The following AGAP1 variants were observed in gnomAD, a reference collection of about 807,000 sequenced individuals.
AGAP1 encodes arf-GAP with GTPase, ANK repeat and PH domain-containing protein 1.
AGAP1 carries 29 observed loss-of-function variants against 105.3 expected under a neutral mutation model. The ratio of observed to expected loss-of-function variants is 0.28; its 90% CI spans 0.21 to 0.38. AGAP1 has a LOEUF of 0.38. Among genes scored for constraint, AGAP1 ranks in the 10% least tolerant of loss-of-function variants. The probability of loss-of-function intolerance (pLI) is 1.00; values close to 1 mark genes in which losing one functional copy is unlikely to be tolerated. For missense variants in AGAP1, 998 were observed against 1,165.1 expected (o/e 0.86, Z 2.09); for synonymous variants, 509 against 485.9 (o/e 1.05, Z -0.63).
chr2:235,929,784 T>C (rs557713236), intron 11 of AGAP1, among the ~76,000 whole-genome samples: 79 of 152,328 alleles, frequency 5.2e-4, no homozygotes, highest in African/African-American at 1.9e-3. Context: ...AAGCCACTAG[T>C]TCTAAAAAGC....
intron 8 of AGAP1, among the ~76,000 whole-genome samples, chr2:235,803,025 A>ATGATTG (rs1957631399): frequency 2.8e-5 from 1 of 36,252 alleles, no homozygotes. Context: ...GATGGTGGTG[A>ATGATTG]TGGTTGTGAT....
Position 235,893,583 on chromosome 2 carries a change from G to A in AGAP1, c.1155+10134G>A, listed in dbSNP as rs1025148146. Among the ~76,000 whole-genome samples, 4 of 152,186 alleles carry A rather than the reference G, an allele frequency of 2.6e-5. No individual in the cohort carries two copies. The highest frequency in any genetic ancestry group is 2.1e-4 in the South Asian group (1 of 4,832). ...TCCATCATGAGGGTGCGCCGTGTCC[G>A]TCATGCAGATGTGCCTTCATGGCCC... On this transcript the variant is annotated intron_variant, in intron 10 of 17. Transcript: ENST00000304032. This position sits in a 1 kb window ranked among gnomAD's most constrained non-coding sequence, Gnocchi z 4.7.
At chr2:235,498,374 T>C (rs1250988613) in intron 1 of AGAP1, among the ~76,000 whole-genome samples, 1 of 152,014 alleles carries the variant, frequency 6.6e-6, no homozygotes, top group Non-Finnish European at 1.5e-5. Flanking sequence ...ATTTATCTGA[T>C]CAGGTTTCTG....
At chr2:235,968,719 A>G (rs544095901) in intron 13 of AGAP1, 96 bp downstream of exon 13, 24 of 1,193,180 alleles carry the variant, frequency 2.0e-5, no homozygotes, top group Admixed American at 5.3e-5. Context: ...TAGCACAACA[A>G]ATGCACAGTA....
At chr2:235,592,981 G>T (rs200103187) in intron 1 of AGAP1, among the ~76,000 whole-genome samples, 2 of 152,268 alleles carry the variant, frequency 1.3e-5, no homozygotes, top group East Asian at 3.9e-4. Context: ...CTGGGACGGT[G>T]GCCGGGAGGG....
rs370139529 is a variant in AGAP1, at chr2:235,602,480, C to A, written c.164-106699C>A. 2.8e-4 allele frequency among the ~76,000 whole-genome samples: 42 copies of A among 152,316 alleles called. No individual in the cohort carries two copies. In the South Asian group the frequency reaches 7.9e-3, roughly 29 times the overall value. On this transcript the variant is annotated intron_variant, in intron 1 of 17. Coordinates refer to ENST00000304032, the MANE Select transcript of AGAP1 (RefSeq NM_001037131.3). The stretch of plus-strand genomic sequence containing the variant: ...TCACCCTCACTCCCTCCGCTCCAGC[C>A]ACACTCAGTCCCTGCTGTTCCTCTA...
Position 235,905,729 on chromosome 2 carries a change from C to T in AGAP1, c.1156-3009C>T, listed in dbSNP as rs2051272668. On this transcript the variant is annotated intron_variant, in intron 10 of 17. Coordinates refer to ENST00000304032, the MANE Select transcript of AGAP1 (RefSeq NM_001037131.3). The surrounding 1 kb of genome is among the most constrained non-coding windows in gnomAD (Gnocchi z 4.2). ...GGCTAGGCTGGTCTTGAACTCCTGA[C>T]CTCAAGTGATCCACTCTCCTCGGCC... Among the ~76,000 whole-genome samples, 1 of 152,140 alleles carries T rather than the reference C, an allele frequency of 6.6e-6. No homozygotes were observed. Among genetic ancestry groups the T allele is most frequent in the Admixed American group, 6.5e-5 (1 of 15,286 alleles).
intron 16 of AGAP1, among the ~76,000 whole-genome samples, chr2:236,111,757 G>A (rs1177481163): frequency 4.0e-5 from 6 of 148,792 alleles, no homozygotes; most frequent in South Asian, 2.1e-4. Context: ...AAGCCACTGC[G>A]CTCCAGCCTA....
rs555245616 is a variant in AGAP1 at position 236,114,734 on chromosome 2, C to T, written c.2115-5458C>T. 6.6e-6 allele frequency among the ~76,000 whole-genome samples: 1 copy of T among 152,296 alleles called. No homozygotes were observed. Among genetic ancestry groups the T allele is most frequent in the East Asian group, 1.9e-4 (1 of 5,178 alleles). On this transcript the variant is annotated intron_variant, in intron 16 of 17. Transcript: ENST00000304032. This position sits in a 1 kb window ranked among gnomAD's most constrained non-coding sequence, Gnocchi z 5.0. Reference sequence around the variant, plus strand: ...CTCTATCTTTATAGCATCATTTAACCTTAATTCTCTTCCTGAAGACCCCAT... The same window carrying T: ...CTCTATCTTTATAGCATCATTTAACTTTAATTCTCTTCCTGAAGACCCCAT...
At chr2:235,516,894 C>T (rs895496196) in intron 1 of AGAP1, among the ~76,000 whole-genome samples, 4 of 152,212 alleles carry the variant, frequency 2.6e-5, no homozygotes, top group African/African-American at 9.6e-5. Flanking sequence ...TGCAAACAGC[C>T]ATGCAGATGT....
chr2:235,852,830 C>T (rs2048532722), intron 9 of AGAP1: 2 of 1,488,670 alleles, frequency 1.3e-6, no homozygotes, highest in East Asian at 2.6e-5. Context: ...ATCAGCCCAG[C>T]TGTCCGGGGC....
At chr2:235,997,326 T>C (rs2055860776) in intron 13 of AGAP1, among the ~76,000 whole-genome samples, 1 of 152,180 alleles carries the variant, frequency 6.6e-6, no homozygotes, top group Admixed American at 6.5e-5. Flanking sequence ...TGACCTCAGG[T>C]GATCCGCCCA....
chr2:235,534,775 G>C (rs1213176945), intron 1 of AGAP1, among the ~76,000 whole-genome samples: 1 of 152,200 alleles, frequency 6.6e-6, no homozygotes, highest in Non-Finnish European at 1.5e-5. Flanking sequence ...TTCAAAGGCA[G>C]CCATCCGTGG....
intron 1 of AGAP1, among the ~76,000 whole-genome samples, chr2:235,607,670 G>GCCT (rs1472510190): frequency 6.6e-6 from 1 of 152,166 alleles, no homozygotes; most frequent in African/African-American, 2.4e-5. Flanking sequence ...ACAGCTTTGA[G>GCCT]CCTCCACCAA....
chr2:235,672,881 T>C (rs1229612095), intron 1 of AGAP1, among the ~76,000 whole-genome samples: 1 of 152,200 alleles, frequency 6.6e-6, no homozygotes, highest in Non-Finnish European at 1.5e-5. Flanking sequence ...GGGTGTGAAG[T>C]GTGTTGGAAT....
chr2:236,125,676 C>T lies in AGAP1; in HGVS notation c.*1554C>T, dbSNP rs547793653. 3 of 152,306 alleles carry T rather than the reference C, an allele frequency of 2.0e-5. No individual in the cohort carries two copies. The highest frequency in any genetic ancestry group is 7.2e-5 in the African/African-American group (3 of 41,562). The allele number at this position is 152,306 out of a possible 1,614,324, so 9.4% of individuals were successfully genotyped here. A position where few individuals can be genotyped will look rare whatever the true frequency, so the allele number is the denominator to read the frequency against. On this transcript the variant is annotated 3_prime_UTR_variant, in exon 18 of 18. Transcript: ENST00000304032. The surrounding 1 kb of genome is among the most constrained non-coding windows in gnomAD (Gnocchi z 5.2). Reference sequence around the variant, plus strand: ...AATGGTTCTGTGGCACAGACTGGCTCCTGAGAACCCAGACGACCTTGACCT... The same window carrying T: ...AATGGTTCTGTGGCACAGACTGGCTTCTGAGAACCCAGACGACCTTGACCT...
intron 6 of AGAP1, among the ~76,000 whole-genome samples, chr2:235,766,423 T>A (rs1367944128): frequency 1.3e-5 from 2 of 152,202 alleles, no homozygotes; most frequent in African/African-American, 4.8e-5. Context: ...CTAAGGATTA[T>A]TCTCCTGCGC....
rs1216215837 is a variant in AGAP1 at position 235,536,637 on chromosome 2, A to G, written c.163+41788A>G. ...TGTGTGTCGCATCCTTCACACACAC[A>G]CACACACACACACACACACACACAC... On this transcript the variant is annotated intron_variant, in intron 1 of 17. Transcript: ENST00000304032. 3.4e-3 allele frequency among the ~76,000 whole-genome samples: 298 copies of G among 86,590 alleles called. 2 individuals are homozygous for G. Among genetic ancestry groups the G allele is most frequent in the African/African-American group, 0.011 (284 of 25,372 alleles). 56.8% of individuals were successfully genotyped at this position (86,590 alleles called of 152,430 possible).
rs977832650 is a variant in AGAP1 at position 235,722,763 on chromosome 2, G to A, written c.310+5119G>A. On this transcript the variant is annotated intron_variant, in intron 3 of 17. Transcript: ENST00000304032. ...GGGATACAATTCAACCCACAGCAGT[G>A]TGTGTTATATACCTGTGATGTTCTC... Among the ~76,000 whole-genome samples the A allele has an allele frequency of 5.3e-5, 8 of 152,134 alleles. 1 individual carries two copies. The highest frequency in any genetic ancestry group is 5.2e-4 in the Admixed American group (8 of 15,278).
Sources: gnomAD v4.1 joint callset for allele counts (sites outside exome capture counted in the v4.1 genomes callset) on GRCh38, gnomAD v4.1.1 for gene constraint, Gnocchi (gnomAD v3.1) non-coding constraint, MANE v1.5 for transcripts, NCBI Gene and HGNC (gene_info 2026-07-23, HGNC 2026-07-21) for gene names.